Variants in CENPI observed in about 807,000 individuals in gnomAD.
CENPI encodes FSH primary response 1.
In CENPI, 4 loss-of-function variants were observed where a neutral mutation model predicts 60.4. The observed-to-expected ratio is 0.07, with a 90% confidence interval of 0.03 to 0.15. CENPI has a LOEUF of 0.15. Among genes scored for constraint, CENPI ranks in the 10% least tolerant of loss-of-function variants. CENPI has a pLI of 1.00. For missense variants in CENPI, 444 were observed against 534.5 expected (o/e 0.83, Z 1.67); for synonymous variants, 157 against 189.4 (o/e 0.83, Z 1.40).
chrX:101,134,211 G>A (rs1426036330), intron 15 of CENPI, among the ~76,000 whole-genome samples: 1 of 111,386 alleles, frequency 9.0e-6, no homozygotes, highest in African/African-American at 3.3e-5. Context: ...AAACTAGGTA[G>A]TGAGATTTAC....
intron 20 of CENPI, among the ~76,000 whole-genome samples, chrX:101,151,880 T>C (rs2090011074): frequency 9.5e-6 from 1 of 105,208 alleles, no homozygotes; most frequent in Admixed American, 1.0e-4. Flanking sequence ...AAAACAAATA[T>C]ACAGTTCAAA....
chrX:101,179,524 CTTT>C, the CENPI span, among the ~76,000 whole-genome samples: 3 of 102,866 alleles, frequency 2.9e-5, no homozygotes, highest in African/African-American at 3.5e-5. Flanking sequence ...TTCTTTCTTT[CTTT>C]TTTTTTTTTT....
chrX:101,126,015 AAG>A (rs1298334921), intron 8 of CENPI, among the ~76,000 whole-genome samples: 1 of 112,021 alleles, frequency 8.9e-6, no homozygotes, highest in East Asian at 2.8e-4. Flanking sequence ...ATTTAATTTC[AAG>A]AAGCTGTTAT....
intron 12 of CENPI, 143 bp from the exon 13 acceptor site, chrX:101,129,838 TC>T (rs1441362289): frequency 4.6e-6 from 2 of 439,545 alleles, no homozygotes; most frequent in African/African-American, 2.4e-5. Context: ...ATGTGACTGT[TC>T]CAGTCTACAT....
intron 8 of CENPI, among the ~76,000 whole-genome samples, chrX:101,125,262 A>G (rs2089722591): frequency 9.0e-6 from 1 of 111,285 alleles, no homozygotes; most frequent in African/African-American, 3.3e-5. Context: ...ATTTCATTTT[A>G]TCTATTCTGC....
At chrX:101,141,407 T>C (rs1010576188) in intron 16 of CENPI, 2 of 111,425 alleles carry the variant, frequency 1.8e-5, no homozygotes, top group African/African-American at 6.5e-5. Flanking sequence ...TGGCACAATA[T>C]TGGCTCACCT....
chrX:101,109,990 G>A lies in CENPI; in HGVS notation c.583G>A (p.Asp195Asn). 1 of 1,169,643 alleles carries A rather than the reference G, an allele frequency of 8.5e-7. No homozygotes were observed. The highest frequency in any genetic ancestry group is 1.8e-5 in the South Asian group (1 of 55,479). The stretch of plus-strand genomic sequence containing the variant: ...CTTCTTTTTTGCTTCATTGCAAGAT[G>A]ATGCACTGGTAAGTAAAAATTGGAC... ...YGFFFASLQD[D>N]ALCPYVCHLL... is the part of the protein sequence containing the mutation. The change falls in exon 6 of 22, where the codon GAT becomes AAT. Residue 195 changes from aspartate (D) to asparagine (N), a missense_variant. Asp to Asn is a conservative substitution (Grantham distance 23). Transcript: ENST00000682095.
chrX:101,128,641 T>C (rs1388593986), intron 11 of CENPI, 75 bp from the exon 12 acceptor site: 10 of 1,077,987 alleles, frequency 9.3e-6, no homozygotes, highest in Non-Finnish European at 1.3e-5. Context: ...ATTTTTGTTA[T>C]ATATTTTCTA....
chrX:101,139,820 G>GTT (rs35960415), intron 15 of CENPI, among the ~76,000 whole-genome samples: 53 of 89,658 alleles, frequency 5.9e-4, no homozygotes, highest in African/African-American at 1.3e-3. Flanking sequence ...ATTATTGTAT[G>GTT]TTTTTTTTTT....
intron 6 of CENPI, among the ~76,000 whole-genome samples, chrX:101,114,625 A>G (rs763099267): frequency 3.8e-4 from 43 of 111,726 alleles, no homozygotes; most frequent in Admixed American, 8.6e-4. Flanking sequence ...CATCTGTGTT[A>G]TAGCATGTAT....
chrX:101,145,501 T>C (rs765292462), intron 17 of CENPI, among the ~76,000 whole-genome samples: 10 of 110,381 alleles, frequency 9.1e-5, no homozygotes, highest in Non-Finnish European at 1.9e-4. Flanking sequence ...CATTCCCAAC[T>C]CCTGGCAGAA....
intron 4 of CENPI, among the ~76,000 whole-genome samples, chrX:101,105,884 A>AT (rs1363874594): frequency 6.7e-4 from 71 of 106,758 alleles, no homozygotes; most frequent in Middle Eastern, 9.9e-3. Context: ...GTTACTTTTC[A>AT]TTTTTTTTTT....
At chrX:101,147,108 A>G (rs918125154) in intron 18 of CENPI, among the ~76,000 whole-genome samples, 19 of 112,021 alleles carry the variant, frequency 1.7e-4, no homozygotes, top group Non-Finnish European at 1.9e-5. Context: ...ATTAGTTGTT[A>G]ATAGTTCTCA....
downstream of CENPI, among the ~76,000 whole-genome samples, chrX:101,169,505 C>T (rs2090151787): frequency 1.8e-5 from 2 of 112,161 alleles, 1 homozygote; most frequent in South Asian, 7.5e-4. Flanking sequence ...TGTGTTGCCA[C>T]TCACATAAAA....
At chrX:101,167,190 A>G (rs185074895), downstream of CENPI, among the ~76,000 whole-genome samples, 1 of 112,716 alleles carries the variant, frequency 8.9e-6, no homozygotes, top group East Asian at 2.8e-4. Context: ...GATTCTCTGT[A>G]ATTCTTACTG....
chrX:101,162,985 C>G lies in CENPI; in HGVS notation c.*18C>G. ...AATATTAAATGAATGTTGACATAAACTGAACACACTGGACTAAACTCACTC... is the reference window on the plus strand; with the variant it reads ...AATATTAAATGAATGTTGACATAAAGTGAACACACTGGACTAAACTCACTC... On this transcript the variant is annotated 3_prime_UTR_variant, in exon 22 of 22. Transcript: ENST00000682095. 1.7e-6 allele frequency: 2 copies of G among 1,202,514 alleles called. No individual in the cohort carries two copies. Among genetic ancestry groups the G allele is most frequent in the Non-Finnish European group, 2.2e-6 (2 of 889,671 alleles).
intron 15 of CENPI, among the ~76,000 whole-genome samples, chrX:101,135,509 T>A (rs1404215134): frequency 8.9e-6 from 1 of 112,128 alleles, no homozygotes. Context: ...ACCTTTTGTG[T>A]TGTGTTCAGA....
Position 101,165,288 on chromosome X carries a change from C to G in CENPI, c.*2321C>G, listed in dbSNP as rs150657798. On this transcript the variant is annotated 3_prime_UTR_variant, in exon 22 of 22. Transcript: ENST00000682095. Reference sequence around the variant, plus strand: ...AGAAGATTAAAGAGGAAAGCAGAGACTGGTTAGGTTATTATAGTGTCCTAG... The same window carrying G: ...AGAAGATTAAAGAGGAAAGCAGAGAGTGGTTAGGTTATTATAGTGTCCTAG... Among the ~76,000 whole-genome samples the G allele has an allele frequency of 0.17, 18,985 of 111,164 alleles. 1,338 individuals carry two copies. The highest frequency in any genetic ancestry group is 0.22 in the Middle Eastern group (47 of 214).
In CENPI at chrX:101,166,102, A is replaced by G. The variant is rs1292902128; in HGVS notation, c.*3135A>G. Among the ~76,000 whole-genome samples the G allele has an allele frequency of 9.0e-6, 1 of 111,542 alleles. No homozygotes were observed. The highest frequency in any genetic ancestry group is 3.2e-5 in the African/African-American group (1 of 30,868). ...CCTGGGTATCTTTTTTTGCCCCACAAATAAAATACTTAGACATACCTGGAT... is the reference window on the plus strand; with the variant it reads ...CCTGGGTATCTTTTTTTGCCCCACAGATAAAATACTTAGACATACCTGGAT... On this transcript the variant is annotated 3_prime_UTR_variant, in exon 22 of 22. Transcript: ENST00000682095.
Sources: allele counts gnomAD v4.1 joint callset (sites outside exome capture counted in the v4.1 genomes callset), GRCh38; gene constraint gnomAD v4.1.1; transcripts MANE v1.5; gene names NCBI Gene and HGNC (gene_info 2026-07-23, HGNC 2026-07-21).